The following RNF216 variants were observed in gnomAD, a reference collection of about 807,000 sequenced individuals.
RNF216 encodes the protein E3 ubiquitin-protein ligase RNF216.
Under a neutral mutation model 110.8 loss-of-function variants are expected in RNF216, and 72 were observed. The observed-to-expected ratio is 0.65, with a 90% CI of 0.54 to 0.79. The LOEUF (loss-of-function observed/expected upper bound fraction) is 0.79. Among genes scored for constraint, RNF216 ranks in the 30% least tolerant of loss-of-function variants. RNF216 has a pLI of 0.00. For synonymous variants in RNF216, 495 were observed against 407.5 expected (o/e 1.21, Z -2.59); for missense variants, 1,342 against 1,141.2 (o/e 1.18, Z -2.54).
chr7:5,660,943 GTTTTTT>G (rs1168463360), intron 13 of RNF216, among the ~76,000 whole-genome samples: 40 of 90,154 alleles, frequency 4.4e-4, no homozygotes, highest in African/African-American at 1.9e-3. Flanking sequence ...GAAGCCTTAG[GTTTTTT>G]TTTTTTTTTT....
chr7:5,728,600 A>G (rs569587128), intron 7 of RNF216, among the ~76,000 whole-genome samples: 85 of 152,180 alleles, frequency 5.6e-4, no homozygotes, highest in African/African-American at 1.8e-3. Context: ...AGAAAAAGAA[A>G]AAGAAAAGGT....
At chr7:5,638,229 G>T (rs987833109) in intron 15 of RNF216, among the ~76,000 whole-genome samples, 3 of 152,216 alleles carry the variant, frequency 2.0e-5, no homozygotes, top group African/African-American at 7.2e-5. Context: ...ATGTTTTAAA[G>T]TGTAGATATA....
chr7:5,650,468 C>T (rs567034450), intron 14 of RNF216, among the ~76,000 whole-genome samples: 1 of 152,298 alleles, frequency 6.6e-6, no homozygotes, highest in East Asian at 1.9e-4. Flanking sequence ...GTCCAGATGC[C>T]TTATCACAGG....
At chr7:5,719,244 G>A (rs919328526) in intron 9 of RNF216, among the ~76,000 whole-genome samples, 7 of 152,100 alleles carry the variant, frequency 4.6e-5, no homozygotes, top group African/African-American at 9.7e-5. Context: ...GTGTGGTGGT[G>A]CACACCTGCA....
At chr7:5,717,240 CTA>C (rs1793122215) in intron 9 of RNF216, among the ~76,000 whole-genome samples, 1 of 152,156 alleles carries the variant, frequency 6.6e-6, no homozygotes, top group Non-Finnish European at 1.5e-5. Context: ...GTAATCCCAG[CTA>C]CTTGGGAGGC....
At chr7:5,764,858 G>T (rs1481559616) in intron 1 of RNF216, among the ~76,000 whole-genome samples, 1 of 152,060 alleles carries the variant, frequency 6.6e-6, no homozygotes, top group Non-Finnish European at 1.5e-5. Flanking sequence ...CTGGAGGTCA[G>T]AAATTCGAGA....
chr7:5,637,509 C>A (rs958131308), intron 15 of RNF216, among the ~76,000 whole-genome samples: 1 of 152,208 alleles, frequency 6.6e-6, no homozygotes, highest in Non-Finnish European at 1.5e-5. Flanking sequence ...AGAGGACTCA[C>A]ATCTTTTCAA....
At chr7:5,685,972 C>G (rs1227575331) in intron 13 of RNF216, among the ~76,000 whole-genome samples, 1 of 152,060 alleles carries the variant, frequency 6.6e-6, no homozygotes, top group African/African-American at 2.4e-5. Flanking sequence ...CCTGTAATCC[C>G]AGCAGTTTGG....
At chr7:5,697,909 G>A (rs141928733) in intron 13 of RNF216, among the ~76,000 whole-genome samples, 1 of 152,270 alleles carries the variant, frequency 6.6e-6, no homozygotes, top group Non-Finnish European at 1.5e-5. Flanking sequence ...GCAGGGGAGA[G>A]AAGGGCAAAA....
intron 13 of RNF216, among the ~76,000 whole-genome samples, chr7:5,667,640 A>C (rs1436352945): frequency 6.6e-6 from 1 of 152,216 alleles, no homozygotes. Context: ...GTCTTTGCTC[A>C]CTGCTTGGGC....
At chr7:5,646,468 C>T (rs1236643138) in intron 14 of RNF216, among the ~76,000 whole-genome samples, 1 of 151,946 alleles carries the variant, frequency 6.6e-6, no homozygotes, top group Non-Finnish European at 1.5e-5. Context: ...CAGAGGCGGG[C>T]AGATAATGAG....
At chr7:5,698,489 A>T (rs1791769967) in intron 13 of RNF216, among the ~76,000 whole-genome samples, 1 of 152,002 alleles carries the variant, frequency 6.6e-6, no homozygotes, top group South Asian at 2.1e-4. Context: ...TTCTGGGCTC[A>T]GGTGATCTTC....
At chr7:5,745,927 C>A (rs1795007957) in intron 3 of RNF216, among the ~76,000 whole-genome samples, 1 of 148,938 alleles carries the variant, frequency 6.7e-6, no homozygotes, top group Non-Finnish European at 1.5e-5. Context: ...AACGAGAACA[C>A]TTACTCTCCA....
At chr7:5,668,756 C>G (rs116026198) in intron 13 of RNF216, among the ~76,000 whole-genome samples, 1 of 152,190 alleles carries the variant, frequency 6.6e-6, no homozygotes, top group Non-Finnish European at 1.5e-5. Context: ...AGGAAGTAGC[C>G]GGGGTCTGCT....
chr7:5,654,738 G>A (rs901303394), intron 13 of RNF216, among the ~76,000 whole-genome samples: 2 of 148,200 alleles, frequency 1.3e-5, no homozygotes, highest in Non-Finnish European at 3.0e-5. Context: ...GCTAGGGTGG[G>A]TGGGGCAGAG....
chr7:5,648,938 T>A (rs1788216069), intron 14 of RNF216, among the ~76,000 whole-genome samples: 1 of 152,128 alleles, frequency 6.6e-6, no homozygotes, highest in African/African-American at 2.4e-5. Flanking sequence ...GAAGTTGGTA[T>A]GAGATATCAA....
intron 1 of RNF216, among the ~76,000 whole-genome samples, chr7:5,769,811 C>T (rs1451690204): frequency 6.6e-6 from 1 of 151,082 alleles, no homozygotes; most frequent in Non-Finnish European, 1.5e-5. Flanking sequence ...CCAAGATAGA[C>T]GGATCACTTG....
chr7:5,653,629 T>TAA, intron 13 of RNF216, among the ~76,000 whole-genome samples: 1 of 133,628 alleles, frequency 7.5e-6, no homozygotes, highest in African/African-American at 2.8e-5. Flanking sequence ...AAAAAAGAAT[T>TAA]AAAAAAAAAT....
chr7:5,777,156 T>A (rs1458609314), intron 1 of RNF216, among the ~76,000 whole-genome samples: 1 of 151,978 alleles, frequency 6.6e-6, no homozygotes, highest in African/African-American at 2.4e-5. Flanking sequence ...TGACAAGGCA[T>A]GTGAACGAAG....
Sources: allele counts gnomAD v4.1 joint callset (sites outside exome capture counted in the v4.1 genomes callset), GRCh38; gene constraint gnomAD v4.1.1; transcripts MANE v1.5; gene names NCBI Gene and HGNC (gene_info 2026-07-23, HGNC 2026-07-21).